The following TCF7 variants were observed in gnomAD, a reference collection of about 807,000 sequenced individuals.
The protein encoded by TCF7 is transcription factor 7, also known as T-cell-factor-7.
Under a neutral mutation model 46.8 loss-of-function variants are expected in TCF7, and 19 were observed. The observed-to-expected ratio is 0.41, with a 90% CI of 0.28 to 0.60. The LOEUF (loss-of-function observed/expected upper bound fraction) is 0.60, where lower values mean the gene tolerates loss of function less well. TCF7 is among the 20% of genes least tolerant of loss of function. The probability of loss-of-function intolerance (pLI) is 0.35; values close to 1 mark genes in which losing one functional copy is unlikely to be tolerated. For missense variants in TCF7, 547 were observed against 504.6 expected, an observed-to-expected ratio of 1.08 and a Z score of -0.81; for synonymous variants, 245 against 213.4, an observed-to-expected ratio of 1.15 and a Z score of -1.29.
At chr5:134,133,862 A>G (rs1418354777) in intron 3 of TCF7, among the ~76,000 whole-genome samples, 1 of 152,198 alleles carries the variant, frequency 6.6e-6, no homozygotes, top group Non-Finnish European at 1.5e-5. Flanking sequence ...CTGCCAGGCA[A>G]CACCCCGCAG....
At chr5:134,143,350 A>C (rs761416091) in intron 8 of TCF7, 1 of 779,866 alleles carries the variant, frequency 1.3e-6, no homozygotes, top group Non-Finnish European at 2.3e-6. Context: ...GCAGAAGGGG[A>C]GAAAGGGGTC....
chr5:134,139,125 T>C, intron 5 of TCF7, 87 bp downstream of exon 5: 1 of 1,536,490 alleles, frequency 6.5e-7, no homozygotes, highest in African/African-American at 1.4e-5. Context: ...CCATCCCTCT[T>C]GGCTGGCCAC....
At chr5:134,135,489 T>G (rs1370559802) in intron 3 of TCF7, among the ~76,000 whole-genome samples, 1 of 152,048 alleles carries the variant, frequency 6.6e-6, no homozygotes, top group African/African-American at 2.4e-5. Flanking sequence ...TCTAGACACA[T>G]TTTGAAGGTA....
chr5:134,142,445 G>C lies in TCF7; in HGVS notation c.755+141G>C, dbSNP rs1000100827. 11 of 999,912 alleles carry C rather than the reference G, an allele frequency of 1.1e-5. No homozygotes were observed. In the African/African-American group the frequency reaches 1.6e-4, roughly 15 times the overall value. The allele number at this position is 999,912 out of a possible 1,614,324, so 61.9% of individuals were successfully genotyped here. ...TGTTTTTGATCCTCAGAAGTAGGAG[G>C]GGGTGGGTGGGATGGGGAACAAGGA... On this transcript the variant is annotated intron_variant, in intron 6 of 9. Coordinates refer to ENST00000342854, the MANE Select transcript of TCF7 (RefSeq NM_003202.5).
chr5:134,115,123 G>A lies in TCF7; in HGVS notation c.217G>A (p.Gly73Arg), dbSNP rs1405525210. The A allele has an allele frequency of 2.0e-6, 2 of 1,019,056 alleles. No homozygotes were observed. Among genetic ancestry groups the A allele is most frequent in the Admixed American group, 6.0e-5 (1 of 16,746 alleles). 63.1% of individuals were successfully genotyped at this position (1,019,056 alleles called of 1,614,324 possible). Residue 73 changes from glycine to arginine, a missense_variant, in exon 1 of 10, where the codon GGG (glycine) becomes AGG (arginine). Transcript: ENST00000342854. ...AGGAGIPGVPGAGAGARGEAE... is the reference protein window; with the variant it reads ...AGGAGIPGVPRAGAGARGEAE... ...CGGCGCAGGGATCCCGGGGGTCCCGGGGGCCGGCGCCGGGGCCCGCGGCGA... is the reference window on the plus strand; with the variant it reads ...CGGCGCAGGGATCCCGGGGGTCCCGAGGGCCGGCGCCGGGGCCCGCGGCGA...
intron 3 of TCF7, among the ~76,000 whole-genome samples, chr5:134,135,530 T>C (rs1448356833): frequency 6.6e-6 from 1 of 152,124 alleles, no homozygotes; most frequent in African/African-American, 2.4e-5. Context: ...AAATTGGATA[T>C]GGAGTATCAG....
At chr5:134,122,323 C>T (rs968576620) in intron 3 of TCF7, among the ~76,000 whole-genome samples, 2 of 152,102 alleles carry the variant, frequency 1.3e-5, no homozygotes, top group Non-Finnish European at 1.5e-5. Flanking sequence ...CTTCCCAAGG[C>T]CCAGGGCTGG....
At chr5:134,125,189 A>C (rs1757177944) in intron 3 of TCF7, among the ~76,000 whole-genome samples, 1 of 152,160 alleles carries the variant, frequency 6.6e-6, no homozygotes, top group Non-Finnish European at 1.5e-5. Flanking sequence ...AGGCCGAGGG[A>C]TTCTGACTAA....
At chr5:134,120,548 G>A (rs1756429278) in intron 3 of TCF7, among the ~76,000 whole-genome samples, 2 of 152,246 alleles carry the variant, frequency 1.3e-5, no homozygotes, top group African/African-American at 4.8e-5. Flanking sequence ...CTTACAGCCA[G>A]CAACTTCTTT....
chr5:134,145,406 A>G, intron 9 of TCF7: 1 of 562,472 alleles, frequency 1.8e-6, no homozygotes, highest in Non-Finnish European at 3.5e-6. Flanking sequence ...GGGGGAGAGG[A>G]CCCAGGGGGT....
chr5:134,142,674 G>A (rs771349984), intron 6 of TCF7, 47 bp from the exon 7 acceptor site: 21 of 1,603,844 alleles, frequency 1.3e-5, no homozygotes, highest in Non-Finnish European at 6.0e-6. Context: ...CTGCAATTAG[G>A]TGGGCACTCG....
rs1760856363 is a variant in TCF7, at chr5:134,147,622, C to T, written c.*1319C>T. On this transcript the variant is annotated 3_prime_UTR_variant, in exon 10 of 10. Coordinates refer to ENST00000342854, the MANE Select transcript of TCF7 (RefSeq NM_003202.5). ...ACCCATTTTTGAGCCAAGCTTCAAC[C>T]CTCAGCCTTGAAAAACAAGTCTTTA... 1 of 152,614 alleles carries T rather than the reference C, an allele frequency of 6.6e-6. No individual in the cohort carries two copies. Among genetic ancestry groups the T allele is most frequent in the Non-Finnish European group, 1.5e-5 (1 of 68,034 alleles). 9.5% of individuals were successfully genotyped at this position (152,614 alleles called of 1,614,324 possible). A position where few individuals can be genotyped will look rare whatever the true frequency, so the allele number is the denominator to read the frequency against.
At position 134,138,043 on chromosome 5, in the gene TCF7, CCTT is replaced by C. The variant is rs778319819; in HGVS notation, c.442-13_442-11del. On this transcript the variant is annotated splice_polypyrimidine_tract_variant and intron_variant, in intron 3 of 9. Transcript: ENST00000342854. ...AGGACTCGCCACACTCACCCACCCT[CCTT>C]CTCATTTTTCAGCACAAGGCCAATC... 270 of 1,578,972 alleles carry C rather than the reference CCTT, an allele frequency of 1.7e-4. 1 individual carries two copies. The Middle Eastern group carries it at 1.8e-3, about 11-fold the overall frequency.
At chr5:134,131,006 C>T (rs184862928) in intron 3 of TCF7, among the ~76,000 whole-genome samples, 1 of 152,132 alleles carries the variant, frequency 6.6e-6, no homozygotes, top group African/African-American at 2.4e-5. Flanking sequence ...ACCCCTTCCT[C>T]CTCAGATGAG....
At chr5:134,124,170 G>A (rs1244789046) in intron 3 of TCF7, among the ~76,000 whole-genome samples, 3 of 152,182 alleles carry the variant, frequency 2.0e-5, no homozygotes, top group East Asian at 3.8e-4. Flanking sequence ...GGTCCCAGGG[G>A]CTTTGGCAGG....
intron 3 of TCF7, among the ~76,000 whole-genome samples, chr5:134,130,013 G>A (rs1156893766): frequency 3.9e-5 from 6 of 152,238 alleles, no homozygotes; most frequent in Admixed American, 6.5e-5. Flanking sequence ...TGTGGTGGGC[G>A]TCTGGCACAG....
chr5:134,115,884 T>G (rs1231726839), intron 2 of TCF7, 25 bp from the exon 3 acceptor site: 1 of 1,613,760 alleles, frequency 6.2e-7, no homozygotes, highest in African/African-American at 1.3e-5. Context: ...GGCTGGTGTG[T>G]CTGACCCAGC....
chr5:134,115,398 G>T lies in TCF7; in HGVS notation c.316+11G>T. The T allele has an allele frequency of 2.5e-6, 4 of 1,592,792 alleles. No homozygotes were observed. Among genetic ancestry groups the T allele is most frequent in the Middle Eastern group, 3.4e-4 (2 of 5,866 alleles). On this transcript the variant is annotated intron_variant, in intron 2 of 9. Transcript: ENST00000342854. The stretch of plus-strand genomic sequence containing the variant: ...AGCCCCTGGAGGACGGTGAGTTTCT[G>T]CCCGGCCCGGCTTCCCTTCGTCGCG...
At chr5:134,112,427 T>A (rs1755340616), upstream of TCF7, among the ~76,000 whole-genome samples, 1 of 152,178 alleles carries the variant, frequency 6.6e-6, no homozygotes, top group South Asian at 2.1e-4. Context: ...CTGATTTCAG[T>A]GTGGCTGTGG....
Sources: allele counts gnomAD v4.1 joint callset (sites outside exome capture counted in the v4.1 genomes callset), GRCh38; gene constraint gnomAD v4.1.1; transcripts MANE v1.5; gene names NCBI Gene and HGNC (gene_info 2026-07-23, HGNC 2026-07-21).